CROCC2: variants seen among roughly 807,000 people sequenced by gnomAD.
CROCC2 encodes ciliary rootlet coiled-coil protein 2.
In CROCC2, 163 loss-of-function variants were observed where a neutral mutation model predicts 177.6. The observed-to-expected ratio is 0.92, with a 90% CI of 0.81 to 1.05. CROCC2 has a LOEUF of 1.05. Ranked by LOEUF, CROCC2 falls within the 50% of genes least tolerant of loss-of-function variation. The probability of loss-of-function intolerance (pLI) is 0.00; values close to 1 mark genes in which losing one functional copy is unlikely to be tolerated. For missense variants in CROCC2, 1,929 were observed against 1,797.8 expected (o/e 1.07, Z -1.32); for synonymous variants, 904 against 787.3 (o/e 1.15, Z -2.48).
At chr2:240,954,319 C>A (rs2059576057) in intron 18 of CROCC2, among the ~76,000 whole-genome samples, 1 of 152,218 alleles carries the variant, frequency 6.6e-6, no homozygotes, top group Non-Finnish European at 1.5e-5. Context: ...CAGACACCAT[C>A]CACAAGTCCG....
At chr2:240,964,284 C>T (rs74001726) in intron 21 of CROCC2, 182 bp from the exon 22 acceptor site, 34,265 of 693,078 alleles carry the variant, frequency 0.049, 3,696 homozygotes, top group African/African-American at 0.31. Context: ...CGGCCGGCAC[C>T]GGGACCTGGG....
intron 14 of CROCC2, among the ~76,000 whole-genome samples, chr2:240,937,293 TC>T (rs1451050326): frequency 6.6e-6 from 1 of 152,268 alleles, no homozygotes; most frequent in Non-Finnish European, 1.5e-5. Context: ...GAACACATTT[TC>T]ATGCATGTAT....
intron 7 of CROCC2, among the ~76,000 whole-genome samples, chr2:240,931,459 C>T (rs2059430614): frequency 6.6e-6 from 1 of 152,194 alleles, no homozygotes; most frequent in African/African-American, 2.4e-5. Flanking sequence ...GGGGCAAGAG[C>T]TCACCTTAGG....
chr2:240,941,739 C>G (rs2059495776), intron 14 of CROCC2, among the ~76,000 whole-genome samples: 1 of 152,144 alleles, frequency 6.6e-6, no homozygotes, highest in Admixed American at 6.5e-5. Flanking sequence ...AATGTAAGAC[C>G]CTTCCAGCAA....
intron 18 of CROCC2, among the ~76,000 whole-genome samples, chr2:240,954,347 C>T (rs2059577097): frequency 6.6e-6 from 1 of 152,230 alleles, no homozygotes; most frequent in African/African-American, 2.4e-5. Context: ...CCAGGCCACC[C>T]ACACTTCTGA....
chr2:240,941,985 C>T (rs765717030), intron 14 of CROCC2, among the ~76,000 whole-genome samples: 4 of 152,142 alleles, frequency 2.6e-5, no homozygotes, highest in Admixed American at 6.5e-5. Flanking sequence ...TCTTCTCATC[C>T]GGAAAATGCA....
At chr2:240,974,102 T>C (rs1344639128) in intron 27 of CROCC2, among the ~76,000 whole-genome samples, 2 of 152,248 alleles carry the variant, frequency 1.3e-5, no homozygotes, top group Non-Finnish European at 1.5e-5. Context: ...ATCTTCGTTA[T>C]ATACATGGTC....
Position 240,949,785 on chromosome 2 carries a change from C to T in CROCC2, c.2652+83C>T, listed in dbSNP as rs2059542922. 1 of 1,387,094 alleles carries T rather than the reference C, an allele frequency of 7.2e-7. No homozygotes were observed. The highest frequency in any genetic ancestry group is 9.7e-7 in the Non-Finnish European group (1 of 1,031,630). 85.9% of individuals were successfully genotyped at this position (1,387,094 alleles called of 1,614,324 possible). On this transcript the variant is annotated intron_variant, in intron 17 of 31. Coordinates refer to ENST00000690015, the MANE Select transcript of CROCC2 (RefSeq NM_001351305.2). This position sits in a 1 kb window ranked among gnomAD's most constrained non-coding sequence, Gnocchi z 4.5. ...TGGCAGGCCCTTGGGAGGAGGGGGCCCTGGGAGACAGAGCTCAGAGACATA... is the reference window on the plus strand; with the variant it reads ...TGGCAGGCCCTTGGGAGGAGGGGGCTCTGGGAGACAGAGCTCAGAGACATA...
intron 28 of CROCC2, among the ~76,000 whole-genome samples, chr2:240,984,577 ACACACACCCAGGCACTCACTC>A (rs1456957808): frequency 1.5e-3 from 180 of 123,808 alleles, no homozygotes; most frequent in African/African-American, 1.9e-3. Context: ...CACTCACTCC[ACACACACCCAGGCACTCACTC>A]CACACACACC....
At chr2:240,940,727 C>T (rs2059490782) in intron 14 of CROCC2, among the ~76,000 whole-genome samples, 1 of 152,142 alleles carries the variant, frequency 6.6e-6, no homozygotes, top group Non-Finnish European at 1.5e-5. Flanking sequence ...ATGACAAACC[C>T]ATAGCCAACA....
intron 20 of CROCC2, among the ~76,000 whole-genome samples, chr2:240,962,153 C>A (rs1184204189): frequency 2.6e-5 from 4 of 152,184 alleles, no homozygotes; most frequent in Admixed American, 6.5e-5. Context: ...AGCTCTGGAG[C>A]TGCCTCCCTG....
chr2:240,935,836 C>T (rs2059466287), intron 14 of CROCC2, among the ~76,000 whole-genome samples: 2 of 152,236 alleles, frequency 1.3e-5, no homozygotes, highest in Admixed American at 6.5e-5. Context: ...GGAGCCCGGG[C>T]CTCAGGCCAG....
chr2:240,935,651 T>C, intron 14 of CROCC2, 63 bp downstream of exon 14: 1 of 1,255,918 alleles, frequency 8.0e-7, no homozygotes, highest in East Asian at 3.0e-5. Flanking sequence ...AGGTCTTGCC[T>C]AAGGTACTTC....
At position 240,991,183 on chromosome 2, in the gene CROCC2, G is replaced by A; in HGVS notation, c.4864-13G>A. 6.5e-7 allele frequency: 1 copy of A among 1,541,454 alleles called. No homozygotes were observed. The highest frequency in any genetic ancestry group is 8.8e-7 in the Non-Finnish European group (1 of 1,141,972). On this transcript the variant is annotated splice_polypyrimidine_tract_variant and intron_variant, in intron 30 of 31. Transcript: ENST00000690015. ...GCCTGCCCACCTGACCTGAGCCACT[G>A]TCCTGTCCCCAGGTGGCCAGCCTGA...
rs999722834 is a variant in CROCC2, at chr2:240,946,369, G to A, written c.2363+116G>A. 1.1e-4 allele frequency: 120 copies of A among 1,090,870 alleles called. No homozygotes were observed. In the South Asian group the frequency reaches 1.7e-3, roughly 16 times the overall value. The allele number at this position is 1,090,870 out of a possible 1,614,324, so 67.6% of individuals were successfully genotyped here. On this transcript the variant is annotated intron_variant, in intron 15 of 31. Transcript: ENST00000690015. ...ATGACATAGGACTGGGAGGGAGCGT[G>A]TGCCCATGAAATGGGCTGTGAGTGG...
In CROCC2 at chr2:240,949,217, C is replaced by T; in HGVS notation, c.2482+120C>T. ...TCTCCGGAGCCCACAGGGGCATGAA[C>T]ATGAGCTTGGAGCTCATGCGACTGA... On this transcript the variant is annotated intron_variant, in intron 16 of 31. Coordinates refer to ENST00000690015, the MANE Select transcript of CROCC2 (RefSeq NM_001351305.2). This position sits in a 1 kb window ranked among gnomAD's most constrained non-coding sequence, Gnocchi z 4.5. The T allele has an allele frequency of 7.0e-7, 1 of 1,437,206 alleles. No homozygotes were observed. The highest frequency in any genetic ancestry group is 9.1e-7 in the Non-Finnish European group (1 of 1,099,672). The allele number at this position is 1,437,206 out of a possible 1,614,324, so 89.0% of individuals were successfully genotyped here.
chr2:240,959,293 C>T lies in CROCC2; in HGVS notation c.2944-8C>T. On this transcript the variant is annotated splice_region_variant and splice_polypyrimidine_tract_variant and intron_variant, in intron 19 of 31. Transcript: ENST00000690015. Reference sequence around the variant, plus strand: ...CTGGTGCCACCGTGGGCTCCCTTCTCCCCGCAGGCCACCATCAGTGCCACG... The same window carrying T: ...CTGGTGCCACCGTGGGCTCCCTTCTTCCCGCAGGCCACCATCAGTGCCACG... The T allele has an allele frequency of 6.5e-7, 1 of 1,549,990 alleles. No homozygotes were observed.
At chr2:240,991,115 C>A in intron 30 of CROCC2, 81 bp from the exon 31 acceptor site, 1 of 1,053,410 alleles carries the variant, frequency 9.5e-7, no homozygotes. Context: ...CTTCCTGTCA[C>A]AGAGCCCTCC....
Position 240,920,270 on chromosome 2 carries a change from A to C in CROCC2, c.381+136A>C, listed in dbSNP as rs911173529. 4 of 581,820 alleles carry C rather than the reference A, an allele frequency of 6.9e-6. No homozygotes were observed. In the African/African-American group the frequency reaches 7.6e-5, roughly 11 times the overall value. The allele number at this position is 581,820 out of a possible 1,614,324, so 36.0% of individuals were successfully genotyped here. A position where few individuals can be genotyped will look rare whatever the true frequency, so the allele number is the denominator to read the frequency against. ...GACTCGGAAAGACAGAGTGTCAGCCACGTGACATTCAAACCCTGGGCAACA... is the reference window on the plus strand; with the variant it reads ...GACTCGGAAAGACAGAGTGTCAGCCCCGTGACATTCAAACCCTGGGCAACA... On this transcript the variant is annotated intron_variant, in intron 3 of 31. Transcript: ENST00000690015.
Sources: allele counts gnomAD v4.1 joint callset (sites outside exome capture counted in the v4.1 genomes callset), GRCh38; gene constraint gnomAD v4.1.1; non-coding constraint Gnocchi (gnomAD v3.1); transcripts MANE v1.5; gene names NCBI Gene and HGNC (gene_info 2026-07-23, HGNC 2026-07-21).